Variants in MAML2 observed in about 807,000 individuals in gnomAD.
MAML2 encodes mastermind-like protein 2.
MAML2 carries 22 observed loss-of-function variants against 96.1 expected under a neutral mutation model. The ratio of observed to expected loss-of-function variants is 0.23; its 90% CI spans 0.16 to 0.33. The LOEUF (loss-of-function observed/expected upper bound fraction) is 0.33, where lower values mean the gene tolerates loss of function less well. MAML2 is among the 10% of genes least tolerant of loss of function. The pLI is 1.00. For missense variants in MAML2, 1,367 were observed against 1,392.4 expected (o/e 0.98, Z 0.29); for synonymous variants, 561 against 521.3 (o/e 1.08, Z -1.04).
intron 1 of MAML2, among the ~76,000 whole-genome samples, chr11:96,097,684 G>A (rs116909347): frequency 0.027 from 4,145 of 152,036 alleles, 81 homozygotes; most frequent in Non-Finnish European, 0.041. Context: ...TTGCCAACAC[G>A]GTCATAAAAT....
At chr11:96,234,528 G>C (rs1248500861) in intron 1 of MAML2, among the ~76,000 whole-genome samples, 1 of 152,164 alleles carries the variant, frequency 6.6e-6, no homozygotes, top group East Asian at 1.9e-4. Flanking sequence ...TTAAAAATGG[G>C]ATAGCAGATT....
chr11:96,131,492 C>T (rs1242856277), intron 1 of MAML2, among the ~76,000 whole-genome samples: 2 of 152,028 alleles, frequency 1.3e-5, no homozygotes, highest in African/African-American at 2.4e-5. Flanking sequence ...ATAATATATG[C>T]TTTTCTCAAG....
intron 1 of MAML2, among the ~76,000 whole-genome samples, chr11:96,171,896 C>G (rs1861303504): frequency 6.6e-6 from 1 of 152,234 alleles, no homozygotes; most frequent in African/African-American, 2.4e-5. Context: ...AGAAGCACTG[C>G]TGGTGTCACA....
chr11:96,130,574 G>A (rs1267773741), intron 1 of MAML2, among the ~76,000 whole-genome samples: 1 of 152,150 alleles, frequency 6.6e-6, no homozygotes, highest in East Asian at 1.9e-4. Context: ...GATTTTAGTT[G>A]CGTTTAAGAA....
In MAML2 at chr11:96,076,417, GTCTC is replaced by G. The variant is rs536256864; in HGVS notation, c.2139+15471_2139+15474del. ...CAATGGGGCAAGGCTGCTCTCTTTTGTCTCTCTCTCTCTCTCACACACACACACA... is the reference window on the plus strand; with the variant it reads ...CAATGGGGCAAGGCTGCTCTCTTTTGTCTCTCTCTCTCACACACACACACA... On this transcript the variant is annotated intron_variant, in intron 2 of 4. Transcript: ENST00000524717. Among the ~76,000 whole-genome samples the G allele has an allele frequency of 8.1e-4, 92 of 113,642 alleles. 2 individuals carry two copies. In the South Asian group the frequency reaches 0.01, roughly 13 times the overall value. 74.6% of individuals were successfully genotyped at this position (113,642 alleles called of 152,430 possible).
chr11:96,025,578 G>T (rs1414747282), intron 2 of MAML2, among the ~76,000 whole-genome samples: 1 of 152,156 alleles, frequency 6.6e-6, no homozygotes, highest in Non-Finnish European at 1.5e-5. Context: ...ATTTGAGATG[G>T]AGTCTCGCTC....
At chr11:96,193,658 G>A (rs1861689643) in intron 1 of MAML2, among the ~76,000 whole-genome samples, 1 of 152,058 alleles carries the variant, frequency 6.6e-6, no homozygotes, top group African/African-American at 2.4e-5. Flanking sequence ...TTCAAATGAA[G>A]TGCTCTCCCG....
At position 95,985,521 on chromosome 11, in the gene MAML2, G is replaced by C; in HGVS notation, c.2455+10C>G. The C allele has an allele frequency of 1.3e-6, 2 of 1,503,094 alleles. No homozygotes were observed. The highest frequency in any genetic ancestry group is 1.8e-6 in the Non-Finnish European group (2 of 1,100,840). 93.1% of individuals were successfully genotyped at this position (1,503,094 alleles called of 1,614,324 possible). A position where few individuals can be genotyped will look rare whatever the true frequency, so the allele number is the denominator to read the frequency against. On this transcript the variant is annotated intron_variant, in intron 4 of 4. Transcript: ENST00000524717. Reference sequence around the variant, plus strand: ...AGCTATAATTTTTATTAATTTTTAAGAACACTTACCAGAATACTGAGCAGT... The same window carrying C: ...AGCTATAATTTTTATTAATTTTTAACAACACTTACCAGAATACTGAGCAGT...
intron 1 of MAML2, among the ~76,000 whole-genome samples, chr11:96,289,952 G>C (rs1270975157): frequency 6.6e-6 from 1 of 152,098 alleles, no homozygotes; most frequent in Non-Finnish European, 1.5e-5. Flanking sequence ...ATTACAATCA[G>C]GGAAAATCAG....
At chr11:96,037,144 G>C (rs1858727459) in intron 2 of MAML2, among the ~76,000 whole-genome samples, 1 of 151,226 alleles carries the variant, frequency 6.6e-6, no homozygotes, top group Non-Finnish European at 1.5e-5. Flanking sequence ...CAAAACTTTG[G>C]CTTGTTTTTC....
intron 1 of MAML2, among the ~76,000 whole-genome samples, chr11:96,177,950 G>GTGTA (rs1861413478): frequency 7.5e-6 from 1 of 133,968 alleles, no homozygotes; most frequent in Non-Finnish European, 1.6e-5. Flanking sequence ...GTGTGTGTGT[G>GTGTA]TGTGTGTTTA....
intron 1 of MAML2, among the ~76,000 whole-genome samples, chr11:96,132,241 G>A (rs562732022): frequency 6.6e-6 from 1 of 152,276 alleles, no homozygotes. Context: ...TGAGGCATTT[G>A]TTGCAGTACC....
intron 1 of MAML2, among the ~76,000 whole-genome samples, chr11:96,333,511 C>G (rs539699096): frequency 6.6e-6 from 1 of 152,308 alleles, no homozygotes; most frequent in Admixed American, 6.5e-5. Flanking sequence ...TAAGAATCGT[C>G]ATCAATAAAA....
chr11:95,996,639 C>T (rs558973534), intron 2 of MAML2, among the ~76,000 whole-genome samples: 2 of 152,254 alleles, frequency 1.3e-5, no homozygotes, highest in South Asian at 4.2e-4. Context: ...TCTTTGAATT[C>T]ATGATTGAAG....
rs555081449 is a variant in MAML2 at position 96,113,267 on chromosome 11, G to T, written c.514-19750C>A. ...CATGCTGTTCAAAAGGAAGCATATT[G>T]TGCCAAAATTTCCATGAGGAAAATT... On this transcript the variant is annotated intron_variant, in intron 1 of 4. Coordinates refer to ENST00000524717, the MANE Select transcript of MAML2 (RefSeq NM_032427.4). 2.6e-5 allele frequency among the ~76,000 whole-genome samples: 4 copies of T among 151,688 alleles called. No individual in the cohort carries two copies. The East Asian group carries it at 7.7e-4, about 29-fold the overall frequency.
intron 1 of MAML2, among the ~76,000 whole-genome samples, chr11:96,135,389 T>C (rs1053938947): frequency 3.0e-4 from 45 of 152,160 alleles, no homozygotes; most frequent in African/African-American, 1.1e-3. Flanking sequence ...AGACAATACA[T>C]TATCTCATTT....
chr11:96,076,430 TCTCACACA>T (rs1246561648), intron 2 of MAML2, among the ~76,000 whole-genome samples: 16 of 136,440 alleles, frequency 1.2e-4, no homozygotes, highest in African/African-American at 2.3e-4. Flanking sequence ...TCTCTCTCTC[TCTCACACA>T]CACACACACA....
intron 1 of MAML2, among the ~76,000 whole-genome samples, chr11:96,151,532 C>T (rs907658080): frequency 6.6e-5 from 10 of 152,164 alleles, no homozygotes; most frequent in Non-Finnish European, 1.2e-4. Flanking sequence ...GGAGGTGAGG[C>T]CTGGTGGGAG....
chr11:96,129,120 A>G lies in MAML2; in HGVS notation c.514-35603T>C, dbSNP rs551030289. ...AGATTTACCAATAATCATACATGGAAAAAAGGTGCTCAGGGCAGCCGTTAT... is the reference window on the plus strand; with the variant it reads ...AGATTTACCAATAATCATACATGGAGAAAAGGTGCTCAGGGCAGCCGTTAT... On this transcript the variant is annotated intron_variant, in intron 1 of 4. Coordinates refer to ENST00000524717, the MANE Select transcript of MAML2 (RefSeq NM_032427.4). Among the ~76,000 whole-genome samples the G allele has an allele frequency of 2.6e-5, 4 of 152,342 alleles. No individual in the cohort carries two copies. In the South Asian group the frequency reaches 8.3e-4, roughly 32 times the overall value.
Sources: allele counts gnomAD v4.1 joint callset (sites outside exome capture counted in the v4.1 genomes callset), GRCh38; gene constraint gnomAD v4.1.1; transcripts MANE v1.5; gene names NCBI Gene and HGNC (gene_info 2026-07-23, HGNC 2026-07-21).